Variants in ROBO2 observed in about 807,000 individuals in gnomAD.
ROBO2 encodes roundabout guidance receptor 2.
ROBO2 carries 53 observed loss-of-function variants against 160.8 expected under a neutral mutation model. That is an observed-to-expected ratio of 0.33 (90% CI 0.26 to 0.41). ROBO2 has a LOEUF of 0.41. Ranked by LOEUF, ROBO2 falls within the 10% of genes least tolerant of loss-of-function variation. The pLI, the probability that ROBO2 is intolerant of heterozygous loss-of-function variation, is 1.00. For missense variants in ROBO2, 1,577 were observed against 1,722.4 expected, an observed-to-expected ratio of 0.92 and a Z score of 1.49; for synonymous variants, 664 against 611.7, an observed-to-expected ratio of 1.09 and a Z score of -1.26.
chr3:77,500,480 T>C (rs2087432536), intron 5 of ROBO2, among the ~76,000 whole-genome samples: 1 of 152,148 alleles, frequency 6.6e-6, no homozygotes. Context: ...ATATTTTAGA[T>C]AGAAACTTAG....
intron 2 of ROBO2, among the ~76,000 whole-genome samples, chr3:76,715,000 A>G (rs2093356769): frequency 6.6e-6 from 1 of 152,170 alleles, no homozygotes; most frequent in South Asian, 2.1e-4. Context: ...TCATTTTGAT[A>G]CCAGCCTAGA....
intron 2 of ROBO2, among the ~76,000 whole-genome samples, chr3:76,685,472 G>T (rs1165459551): frequency 1.3e-5 from 2 of 151,826 alleles, no homozygotes; most frequent in Non-Finnish European, 2.9e-5. Context: ...AGTATGAAAA[G>T]TAAGAACAAA....
At chr3:75,983,144 G>C (rs1335284456) in intron 2 of ROBO2, among the ~76,000 whole-genome samples, 1 of 151,402 alleles carries the variant, frequency 6.6e-6, no homozygotes, top group Non-Finnish European at 1.5e-5. Flanking sequence ...GTAGGAGAGA[G>C]TATATTTGAC....
At chr3:76,928,939 A>T (rs962016549) in intron 2 of ROBO2, among the ~76,000 whole-genome samples, 9 of 152,072 alleles carry the variant, frequency 5.9e-5, no homozygotes, top group African/African-American at 2.2e-4. Context: ...CTCAGTACTC[A>T]CAGATGTAGA....
intron 2 of ROBO2, among the ~76,000 whole-genome samples, chr3:77,192,455 A>G (rs1434101301): frequency 1.3e-5 from 2 of 152,126 alleles, no homozygotes; most frequent in East Asian, 1.9e-4. Flanking sequence ...TAGCTATTCA[A>G]GTTTGGTCAT....
intron 2 of ROBO2, among the ~76,000 whole-genome samples, chr3:76,068,806 C>T (rs2068347301): frequency 6.6e-6 from 1 of 152,050 alleles, no homozygotes; most frequent in Non-Finnish European, 1.5e-5. Flanking sequence ...TTGCCAAGGC[C>T]AACATTGATC....
chr3:76,255,948 C>T (rs1706331449), intron 2 of ROBO2, among the ~76,000 whole-genome samples: 1 of 151,918 alleles, frequency 6.6e-6, no homozygotes, highest in Admixed American at 6.6e-5. Context: ...GCAAATATTT[C>T]AGATACTTTC....
chr3:76,731,698 T>C (rs1026228230), intron 2 of ROBO2, among the ~76,000 whole-genome samples: 1 of 152,178 alleles, frequency 6.6e-6, no homozygotes. Flanking sequence ...TTCACCTCTC[T>C]ATTAACAAAT....
chr3:77,009,062 C>T (rs1241219431), intron 2 of ROBO2, among the ~76,000 whole-genome samples: 3 of 152,096 alleles, frequency 2.0e-5, no homozygotes, highest in East Asian at 3.9e-4. Context: ...GGTCAATTTC[C>T]TTATCTCTCC....
chr3:76,250,116 A>T (rs1705897042), intron 2 of ROBO2, among the ~76,000 whole-genome samples: 1 of 152,094 alleles, frequency 6.6e-6, no homozygotes, highest in Non-Finnish European at 1.5e-5. Flanking sequence ...AAAATTATGT[A>T]ATATCAAAAT....
At chr3:77,551,583 G>T (rs6783764) in intron 8 of ROBO2, among the ~76,000 whole-genome samples, 5 of 151,850 alleles carry the variant, frequency 3.3e-5, no homozygotes, top group Middle Eastern at 3.4e-3. Flanking sequence ...GCGTAATCTG[G>T]TTTTTTCCCA....
chr3:76,525,998 A>G (rs986138200), intron 2 of ROBO2, among the ~76,000 whole-genome samples: 1 of 151,930 alleles, frequency 6.6e-6, no homozygotes, highest in Admixed American at 6.6e-5. Flanking sequence ...TTCAGCAGGC[A>G]GTGGAGAGAT....
chr3:77,538,429 G>T (rs970655085), intron 6 of ROBO2, among the ~76,000 whole-genome samples: 13 of 151,768 alleles, frequency 8.6e-5, no homozygotes, highest in Non-Finnish European at 1.5e-4. Context: ...TGCCCGCCTT[G>T]GTCTCCCAAA....
intron 2 of ROBO2, among the ~76,000 whole-genome samples, chr3:76,359,909 G>T (rs1355083006): frequency 2.0e-5 from 3 of 151,952 alleles, no homozygotes; most frequent in Admixed American, 2.0e-4. Context: ...GTCTAAATAT[G>T]ACACAGAAAC....
chr3:76,666,017 T>A (rs2092027744), intron 2 of ROBO2, among the ~76,000 whole-genome samples: 1 of 121,930 alleles, frequency 8.2e-6, no homozygotes, highest in Non-Finnish European at 1.9e-5. Flanking sequence ...ATATACATAT[T>A]ATATATTATA....
chr3:76,643,281 A>G (rs1209240478), intron 2 of ROBO2, among the ~76,000 whole-genome samples: 3 of 152,214 alleles, frequency 2.0e-5, no homozygotes, highest in Non-Finnish European at 2.9e-5. Flanking sequence ...AAAAGAAGCA[A>G]TCTCTTAATA....
At chr3:76,722,841 T>C (rs2093486344) in intron 2 of ROBO2, among the ~76,000 whole-genome samples, 1 of 152,272 alleles carries the variant, frequency 6.6e-6, no homozygotes, top group Non-Finnish European at 1.5e-5. Flanking sequence ...GTTATCAATT[T>C]ACCAGTTAAT....
intron 5 of ROBO2, among the ~76,000 whole-genome samples, chr3:77,513,207 T>A (rs2153617956): frequency 6.6e-6 from 1 of 151,966 alleles, no homozygotes; most frequent in South Asian, 2.1e-4. Flanking sequence ...TTCCTCCTCC[T>A]AAATTCTGTG....
At chr3:77,155,157 T>A (rs1219095084) in intron 2 of ROBO2, among the ~76,000 whole-genome samples, 2 of 152,058 alleles carry the variant, frequency 1.3e-5, no homozygotes, top group African/African-American at 2.4e-5. Flanking sequence ...GACTGTGGTA[T>A]ATAGGAAGGC....
Sources: allele counts gnomAD v4.1 joint callset (sites outside exome capture counted in the v4.1 genomes callset), GRCh38; gene constraint gnomAD v4.1.1; transcripts MANE v1.5; gene names NCBI Gene and HGNC (gene_info 2026-07-23, HGNC 2026-07-21).